Variants in CAMKMT observed in about 807,000 individuals in gnomAD.
CAMKMT encodes calmodulin-lysine N-methyltransferase.
In CAMKMT, 53 loss-of-function variants were observed where a neutral mutation model predicts 48.0. The observed-to-expected ratio is 1.10, with a 90% CI of 0.89 to 1.39. The LOEUF is 1.39. Among genes scored for constraint, CAMKMT ranks in the 40% most tolerant of loss-of-function variants. The pLI, the probability that CAMKMT is intolerant of heterozygous loss-of-function variation, is 0.00. For synonymous variants in CAMKMT, 165 were observed against 152.3 expected (o/e 1.08, Z -0.61); for missense variants, 428 against 402.7 (o/e 1.06, Z -0.54).
At chr2:44,630,583 G>C (rs755997255) in intron 3 of CAMKMT, among the ~76,000 whole-genome samples, 1 of 151,410 alleles carries the variant, frequency 6.6e-6, no homozygotes, top group Non-Finnish European at 1.5e-5. Context: ...AAAAGTGGGC[G>C]AAGGACATGA....
chr2:44,393,168 G>A (rs1681510543), intron 3 of CAMKMT, among the ~76,000 whole-genome samples: 2 of 152,040 alleles, frequency 1.3e-5, no homozygotes, highest in Non-Finnish European at 2.9e-5. Flanking sequence ...CTTCTGAATT[G>A]GTTTATGCTC....
intron 3 of CAMKMT, among the ~76,000 whole-genome samples, chr2:44,679,684 C>T (rs1245373987): frequency 6.6e-6 from 1 of 152,194 alleles, no homozygotes; most frequent in Non-Finnish European, 1.5e-5. Context: ...CCTTCATTGC[C>T]TTCCACAAAT....
In CAMKMT at chr2:44,772,353, T is replaced by C. The variant is rs898731053; in HGVS notation, c.*240T>C. On this transcript the variant is annotated 3_prime_UTR_variant, in exon 11 of 11. Transcript: ENST00000378494. ...CCTGCCCTAAACCTTTGTTTGTCTT[T>C]AAATGTGTATAAGCTGCCTGTCTGT... 9.8e-5 allele frequency: 39 copies of C among 396,032 alleles called. No individual in the cohort carries two copies. In the Admixed American group the frequency reaches 1.7e-3, roughly 17 times the overall value. The allele number at this position is 396,032 out of a possible 1,614,324, so 24.5% of individuals were successfully genotyped here.
chr2:44,717,792 G>A (rs1678248181), intron 7 of CAMKMT, among the ~76,000 whole-genome samples: 2 of 151,150 alleles, frequency 1.3e-5, no homozygotes, highest in East Asian at 1.9e-4. Context: ...AGATGTATAA[G>A]CTGAAAGGAA....
At chr2:44,491,504 G>C (rs954754484) in intron 3 of CAMKMT, among the ~76,000 whole-genome samples, 1 of 151,868 alleles carries the variant, frequency 6.6e-6, no homozygotes, top group Non-Finnish European at 1.5e-5. Context: ...CCGAAAACAG[G>C]GTTACAAAAA....
In CAMKMT at chr2:44,395,355, A is replaced by G. The variant is rs931195889; in HGVS notation, c.376+5050A>G. Among the ~76,000 whole-genome samples, 6 of 152,304 alleles carry G rather than the reference A, an allele frequency of 3.9e-5. No homozygotes were observed. In the South Asian group the frequency reaches 1.2e-3, roughly 32 times the overall value. On this transcript the variant is annotated intron_variant, in intron 3 of 10. Transcript: ENST00000378494. ...ATACATATATGTAGTATATGTGTAT[A>G]CATGTACATATGCAGATATATAATG...
intron 6 of CAMKMT, among the ~76,000 whole-genome samples, chr2:44,711,405 A>C (rs937056928): frequency 6.6e-6 from 1 of 152,222 alleles, no homozygotes; most frequent in Non-Finnish European, 1.5e-5. Context: ...TATATACATG[A>C]AGGGCAGAAG....
chr2:44,394,279 A>T (rs971222997), intron 3 of CAMKMT, among the ~76,000 whole-genome samples: 1 of 151,646 alleles, frequency 6.6e-6, no homozygotes, highest in Non-Finnish European at 1.5e-5. Flanking sequence ...TTTGAAAAAA[A>T]TTTTTTTTCT....
chr2:44,406,207 T>C lies in CAMKMT; in HGVS notation c.376+15902T>C, dbSNP rs2104461024. Among the ~76,000 whole-genome samples the C allele has an allele frequency of 2.6e-5, 4 of 152,350 alleles. 1 individual carries two copies. In the Middle Eastern group the frequency reaches 0.014, roughly 518 times the overall value. On this transcript the variant is annotated intron_variant, in intron 3 of 10. Transcript: ENST00000378494. ...TTGTGTTTTAGTATGCCTCTAATTA[T>C]ATTCTCTGCTTTCAATTATAGCATT...
intron 1 of CAMKMT, 73 bp downstream of exon 1, chr2:44,362,218 C>A (rs1558533616): frequency 2.3e-6 from 3 of 1,308,404 alleles, no homozygotes; most frequent in Non-Finnish European, 3.0e-6. Context: ...AGCGACTGTT[C>A]GCAGTTCTTT....
At chr2:44,389,428 C>A (rs1681104531) in intron 2 of CAMKMT, among the ~76,000 whole-genome samples, 1 of 152,094 alleles carries the variant, frequency 6.6e-6, no homozygotes, top group Non-Finnish European at 1.5e-5. Flanking sequence ...TTTTAAATGA[C>A]AAAGTGAATG....
chr2:44,565,403 G>C (rs1377079751), intron 3 of CAMKMT, among the ~76,000 whole-genome samples: 3 of 152,076 alleles, frequency 2.0e-5, no homozygotes, highest in South Asian at 2.1e-4. Flanking sequence ...TGACTTCTCT[G>C]GTTCTCCATC....
chr2:44,376,679 C>T (rs1364719944), intron 2 of CAMKMT, among the ~76,000 whole-genome samples: 2 of 152,016 alleles, frequency 1.3e-5, no homozygotes, highest in Non-Finnish European at 2.9e-5. Flanking sequence ...AGGGTTAATG[C>T]CTAGGTATTT....
intron 3 of CAMKMT, among the ~76,000 whole-genome samples, chr2:44,654,570 T>C (rs1674265772): frequency 6.6e-6 from 1 of 152,124 alleles, no homozygotes; most frequent in South Asian, 2.1e-4. Flanking sequence ...TGGAGTACAA[T>C]GGCATGATCT....
intron 3 of CAMKMT, among the ~76,000 whole-genome samples, chr2:44,435,365 C>G (rs1319890517): frequency 6.6e-6 from 1 of 152,100 alleles, no homozygotes; most frequent in African/African-American, 2.4e-5. Flanking sequence ...AAGCATGGCA[C>G]TTACAGTCTA....
chr2:44,400,547 G>C (rs1261434594), intron 3 of CAMKMT, among the ~76,000 whole-genome samples: 1 of 151,978 alleles, frequency 6.6e-6, no homozygotes, highest in Non-Finnish European at 1.5e-5. Flanking sequence ...TACTTAAGAT[G>C]AGCCAATTCT....
chr2:44,590,333 G>C (rs1029562677), intron 3 of CAMKMT, among the ~76,000 whole-genome samples: 16 of 152,222 alleles, frequency 1.1e-4, no homozygotes, highest in African/African-American at 3.1e-4. Flanking sequence ...GAAAGAATTG[G>C]TGTTATTTCT....
intron 3 of CAMKMT, among the ~76,000 whole-genome samples, chr2:44,612,601 A>G (rs1452493390): frequency 6.6e-6 from 1 of 152,164 alleles, no homozygotes; most frequent in East Asian, 1.9e-4. Context: ...ACAGCACAAT[A>G]CTTTATTAGT....
chr2:44,391,459 A>G (rs535913590), intron 3 of CAMKMT, among the ~76,000 whole-genome samples: 1 of 152,156 alleles, frequency 6.6e-6, no homozygotes, highest in African/African-American at 2.4e-5. Flanking sequence ...TCTCCCACTT[A>G]GGTGTATCTC....
Sources: gnomAD v4.1 joint callset for allele counts (sites outside exome capture counted in the v4.1 genomes callset) on GRCh38, gnomAD v4.1.1 for gene constraint, MANE v1.5 for transcripts, NCBI Gene and HGNC (gene_info 2026-07-23, HGNC 2026-07-21) for gene names.